The following CELF2 variants were observed in gnomAD, a reference collection of about 807,000 sequenced individuals.
CELF2 encodes CUGBP Elav-like family member 2.
Under a neutral mutation model 62.6 loss-of-function variants are expected in CELF2, and 8 were observed. The observed-to-expected ratio is 0.13, with a 90% CI of 0.07 to 0.23. CELF2 has a LOEUF of 0.23. CELF2 is among the 10% of genes least tolerant of loss of function. CELF2 has a pLI of 1.00. For missense variants in CELF2, 333 were observed against 671.0 expected (o/e 0.50, Z 5.56); for synonymous variants, 258 against 250.0 (o/e 1.03, Z -0.30).
the CELF2 span, among the ~76,000 whole-genome samples, chr10:10,499,069 CTTT>C: frequency 2.9e-5 from 4 of 138,952 alleles, no homozygotes; most frequent in African/African-American, 5.3e-5. Context: ...AAGCATTCTA[CTTT>C]TTTTTTTTTT....
At chr10:10,988,751 T>G (rs1352141320) in intron 2 of CELF2, among the ~76,000 whole-genome samples, 1 of 152,118 alleles carries the variant, frequency 6.6e-6, no homozygotes, top group African/African-American at 2.4e-5. Flanking sequence ...CTTTTAAAAT[T>G]TAATGAAAGA....
chr10:11,271,462 C>T (rs78712087), intron 7 of CELF2, among the ~76,000 whole-genome samples: 1,810 of 152,250 alleles, frequency 0.012, 24 homozygotes, highest in African/African-American at 0.039. Context: ...CTGAACAGGA[C>T]GGAGTAGTAA....
At chr10:10,671,861 C>G in the CELF2 span, among the ~76,000 whole-genome samples, 1 of 152,028 alleles carries the variant, frequency 6.6e-6, no homozygotes, top group Non-Finnish European at 1.5e-5. Context: ...TCCTGAGTAG[C>G]TGGGATTACA....
At chr10:10,773,205 T>A in the CELF2 span, among the ~76,000 whole-genome samples, 1 of 152,216 alleles carries the variant, frequency 6.6e-6, no homozygotes, top group Non-Finnish European at 1.5e-5. Context: ...ACCTTTTATA[T>A]TGACCCACCT....
chr10:10,970,273 G>A (rs1293265256), intron 2 of CELF2, among the ~76,000 whole-genome samples: 1 of 151,994 alleles, frequency 6.6e-6, no homozygotes, highest in Non-Finnish European at 1.5e-5. Context: ...CACCATGTTG[G>A]CCAGGCTGGT....
intron 1 of CELF2, among the ~76,000 whole-genome samples, chr10:11,134,789 C>A (rs373514889): frequency 6.6e-6 from 1 of 152,308 alleles, no homozygotes; most frequent in East Asian, 1.9e-4. Flanking sequence ...ACCTACCCTC[C>A]CTCAGCCTCC....
At chr10:10,650,599 G>C in the CELF2 span, among the ~76,000 whole-genome samples, 1 of 152,120 alleles carries the variant, frequency 6.6e-6, no homozygotes, top group Non-Finnish European at 1.5e-5. Context: ...TACACAGCAT[G>C]ACAAGATAAA....
At chr10:11,168,582 A>G (rs1296596668) in intron 2 of CELF2, among the ~76,000 whole-genome samples, 1 of 152,232 alleles carries the variant, frequency 6.6e-6, no homozygotes, top group Non-Finnish European at 1.5e-5. Context: ...CAGGGCTGAT[A>G]TCAGAGCCTC....
the CELF2 span, among the ~76,000 whole-genome samples, chr10:10,757,987 A>G: frequency 0.019 from 2,932 of 152,280 alleles, 93 homozygotes; most frequent in African/African-American, 0.066. Context: ...AGGGGCCTGC[A>G]CTCTGTCTAC....
Position 11,211,950 on chromosome 10 carries a change from T to C in CELF2, c.272-5475T>C, listed in dbSNP as rs2061963528. 1.3e-5 allele frequency among the ~76,000 whole-genome samples: 2 copies of C among 152,008 alleles called. No homozygotes were observed. Among genetic ancestry groups the C allele is most frequent in the African/African-American group, 4.8e-5 (2 of 41,388 alleles). On this transcript the variant is annotated intron_variant, in intron 2 of 12. Coordinates refer to ENST00000633077, the MANE Select transcript of CELF2 (RefSeq NM_001326342.2). This position sits in a 1 kb window ranked among gnomAD's most constrained non-coding sequence, Gnocchi z 4.8. ...CTAACAGTTAAGCAGGCAAAATACC[T>C]GAGGGAACTCTTCATGACAGCAGAA...
At chr10:10,695,810 G>T in the CELF2 span, among the ~76,000 whole-genome samples, 693 of 151,854 alleles carry the variant, frequency 4.6e-3, 2 homozygotes, top group South Asian at 0.021. Context: ...GGCTCCTGAG[G>T]CTTCTGCATT....
chr10:10,581,543 C>T, the CELF2 span, among the ~76,000 whole-genome samples: 8 of 152,148 alleles, frequency 5.3e-5, no homozygotes, highest in Admixed American at 5.2e-4. Context: ...AAACAGCACA[C>T]TGTCTCCCTC....
At chr10:11,124,026 A>G (rs1181047115) in intron 1 of CELF2, among the ~76,000 whole-genome samples, 1 of 152,196 alleles carries the variant, frequency 6.6e-6, no homozygotes, top group East Asian at 1.9e-4. Flanking sequence ...CACGTCTTAC[A>G]TGGTGGCAGG....
intron 9 of CELF2, among the ~76,000 whole-genome samples, chr10:11,298,693 A>G (rs934977045): frequency 6.6e-6 from 1 of 152,234 alleles, no homozygotes; most frequent in Non-Finnish European, 1.5e-5. Context: ...TGAGGTTTAT[A>G]TATACACACA....
the CELF2 span, among the ~76,000 whole-genome samples, chr10:10,576,241 C>A: frequency 6.6e-6 from 1 of 152,092 alleles, no homozygotes; most frequent in African/African-American, 2.4e-5. Flanking sequence ...CAAAGAACTG[C>A]GAAGAGCTGA....
intron 1 of CELF2, among the ~76,000 whole-genome samples, chr10:10,890,995 A>T (rs762096): frequency 0.3 from 45,414 of 151,966 alleles, 7,812 homozygotes; most frequent in East Asian, 0.68. Context: ...AGCCTGGGCG[A>T]CAAGAGCAAG....
chr10:10,623,891 T>G, the CELF2 span, among the ~76,000 whole-genome samples: 1 of 152,116 alleles, frequency 6.6e-6, no homozygotes, highest in Admixed American at 6.5e-5. Context: ...TGCCAGCCAA[T>G]GAGTTGAACT....
Position 11,329,073 on chromosome 10 carries a change from C to T in CELF2, c.*20C>T. ...TACTGATCCTAACCCCAGAGGCTCCCTGCTCTCATTTTAGCTTTCTTAGGG... is the reference window on the plus strand; with the variant it reads ...TACTGATCCTAACCCCAGAGGCTCCTTGCTCTCATTTTAGCTTTCTTAGGG... On this transcript the variant is annotated 3_prime_UTR_variant, in exon 13 of 13. Transcript: ENST00000633077. The surrounding 1 kb of genome is among the most constrained non-coding windows in gnomAD (Gnocchi z 5.5). The T allele has an allele frequency of 1.2e-6, 2 of 1,600,646 alleles. No homozygotes were observed. The highest frequency in any genetic ancestry group is 1.7e-5 in the Admixed American group (1 of 59,374).
the CELF2 span, among the ~76,000 whole-genome samples, chr10:10,531,091 G>T: frequency 6.6e-6 from 1 of 152,272 alleles, no homozygotes; most frequent in East Asian, 1.9e-4. Context: ...AATGCTTGAT[G>T]TCAACACTAG....
Sources: allele counts gnomAD v4.1 joint callset (sites outside exome capture counted in the v4.1 genomes callset), GRCh38; gene constraint gnomAD v4.1.1; non-coding constraint Gnocchi (gnomAD v3.1); transcripts MANE v1.5; gene names NCBI Gene and HGNC (gene_info 2026-07-23, HGNC 2026-07-21).